The following PTPRR variants were observed in gnomAD, a reference collection of about 807,000 sequenced individuals.
PTPRR encodes receptor-type tyrosine-protein phosphatase R.
In PTPRR, 38 loss-of-function variants were observed where a neutral mutation model predicts 77.2. That is an observed-to-expected ratio of 0.49 (90% confidence interval 0.38 to 0.65). PTPRR has a LOEUF of 0.65. Ranked by LOEUF, PTPRR falls within the 30% of genes least tolerant of loss-of-function variation. The pLI is 0.00. For synonymous variants in PTPRR, 299 were observed against 283.1 expected (o/e 1.06, Z -0.57); for missense variants, 744 against 799.2 (o/e 0.93, Z 0.83).
intron 6 of PTPRR, among the ~76,000 whole-genome samples, chr12:70,702,537 A>G (rs1474887326): frequency 6.6e-6 from 1 of 152,206 alleles, no homozygotes; most frequent in Non-Finnish European, 1.5e-5. Flanking sequence ...AAGAAATATT[A>G]CAGTGGCTTG....
intron 6 of PTPRR, among the ~76,000 whole-genome samples, chr12:70,725,627 G>A (rs1243288232): frequency 2.6e-5 from 4 of 152,080 alleles, no homozygotes; most frequent in African/African-American, 9.7e-5. Context: ...GCCAACTTAG[G>A]TGAGTTGTTG....
intron 2 of PTPRR, among the ~76,000 whole-genome samples, chr12:70,783,061 T>C (rs536104856): frequency 1.5e-4 from 23 of 152,136 alleles, no homozygotes; most frequent in South Asian, 2.1e-4. Flanking sequence ...TAAGGGATCA[T>C]TGGGGTCCGA....
intron 2 of PTPRR, among the ~76,000 whole-genome samples, chr12:70,860,910 C>A (rs547080942): frequency 2.6e-5 from 4 of 152,246 alleles, no homozygotes; most frequent in African/African-American, 9.6e-5. Context: ...ACTCTCTATT[C>A]CCTTGCTTGT....
rs374810539 is a variant in PTPRR, at chr12:70,893,643, T to C, written c.59-666A>G. Among the ~76,000 whole-genome samples, 7 of 152,058 alleles carry C rather than the reference T, an allele frequency of 4.6e-5. No individual in the cohort carries two copies. The East Asian group carries it at 1.2e-3, about 25-fold the overall frequency. On this transcript the variant is annotated intron_variant, in intron 1 of 13. Coordinates refer to ENST00000283228, the MANE Select transcript of PTPRR (RefSeq NM_002849.4). ...AGCTATTGGAATGTGAGTAAACAGA[T>C]GTTAGCAGAGATGTGATATGGCCTT...
chr12:70,872,221 T>C (rs1390865044), intron 2 of PTPRR, among the ~76,000 whole-genome samples: 1 of 152,192 alleles, frequency 6.6e-6, no homozygotes, highest in Non-Finnish European at 1.5e-5. Context: ...GTAAAATTAC[T>C]TGTATTTCTA....
chr12:70,726,972 G>A (rs996912793), intron 6 of PTPRR, among the ~76,000 whole-genome samples: 1 of 151,942 alleles, frequency 6.6e-6, no homozygotes, highest in African/African-American at 2.4e-5. Flanking sequence ...GGATGGCTAG[G>A]GGAGAGAAGG....
At chr12:70,735,043 A>C (rs755438404) in intron 6 of PTPRR, among the ~76,000 whole-genome samples, 1 of 151,924 alleles carries the variant, frequency 6.6e-6, no homozygotes, top group Non-Finnish European at 1.5e-5. Flanking sequence ...AGAATAAAAA[A>C]CCCTATGAAA....
intron 2 of PTPRR, among the ~76,000 whole-genome samples, chr12:70,823,269 A>G (rs908659964): frequency 6.6e-6 from 1 of 152,176 alleles, no homozygotes; most frequent in African/African-American, 2.4e-5. Flanking sequence ...AGATTGATCA[A>G]AGAAAGGATG....
chr12:70,796,652 A>C (rs1468163509), intron 2 of PTPRR, among the ~76,000 whole-genome samples: 2 of 152,188 alleles, frequency 1.3e-5, no homozygotes, highest in African/African-American at 4.8e-5. Context: ...ATAGACATAA[A>C]GTAAACCATG....
chr12:70,876,611 A>C (rs1893056077), intron 2 of PTPRR, among the ~76,000 whole-genome samples: 1 of 152,208 alleles, frequency 6.6e-6, no homozygotes, highest in Non-Finnish European at 1.5e-5. Context: ...TAAATTAAAA[A>C]GATTTACATC....
rs545064128 is a variant in PTPRR, at chr12:70,803,913, G to T, written c.358-39135C>A. Among the ~76,000 whole-genome samples the T allele has an allele frequency of 3.9e-5, 6 of 152,256 alleles. No individual in the cohort carries two copies. The South Asian group carries it at 1.0e-3, about 26-fold the overall frequency. ...GGGTGTGTGTAACATGCATGTGCAGGTGTGTGTGTATTTATGTATTCAGGT... is the reference window on the plus strand; with the variant it reads ...GGGTGTGTGTAACATGCATGTGCAGTTGTGTGTGTATTTATGTATTCAGGT... On this transcript the variant is annotated intron_variant, in intron 2 of 13. Coordinates refer to ENST00000283228, the MANE Select transcript of PTPRR (RefSeq NM_002849.4).
chr12:70,742,209 C>T (rs1890070081), intron 6 of PTPRR, among the ~76,000 whole-genome samples: 1 of 152,086 alleles, frequency 6.6e-6, no homozygotes, highest in African/African-American at 2.4e-5. Flanking sequence ...GTAGAGGAAA[C>T]CCTAGGAAAC....
At chr12:70,915,010 A>G (rs911316245) in intron 1 of PTPRR, among the ~76,000 whole-genome samples, 13 of 152,136 alleles carry the variant, frequency 8.5e-5, no homozygotes, top group Non-Finnish European at 1.9e-4. Context: ...GTATACAGAG[A>G]AAAATAACAA....
chr12:70,749,361 G>A (rs765552689), intron 5 of PTPRR, among the ~76,000 whole-genome samples: 27 of 152,088 alleles, frequency 1.8e-4, no homozygotes, highest in Non-Finnish European at 3.4e-4. Context: ...TTTCTCATAA[G>A]TAAAATTAGG....
At chr12:70,742,787 A>G (rs1996088) in intron 6 of PTPRR, among the ~76,000 whole-genome samples, 5,792 of 152,198 alleles carry the variant, frequency 0.038, 383 homozygotes, top group African/African-American at 0.13. Flanking sequence ...GACGGGGGAA[A>G]CAGTTGGGAG....
At chr12:70,779,831 G>A (rs1891165947) in intron 2 of PTPRR, among the ~76,000 whole-genome samples, 1 of 152,124 alleles carries the variant, frequency 6.6e-6, no homozygotes, top group Non-Finnish European at 1.5e-5. Context: ...AGGAAGGTAT[G>A]TTCAATTTAG....
At chr12:70,915,299 G>T (rs996863099) in intron 1 of PTPRR, among the ~76,000 whole-genome samples, 1 of 152,186 alleles carries the variant, frequency 6.6e-6, no homozygotes, top group African/African-American at 2.4e-5. Flanking sequence ...TGATAGAGAA[G>T]TAGGTGAGAA....
intron 2 of PTPRR, among the ~76,000 whole-genome samples, chr12:70,840,640 A>T (rs1015454875): frequency 1.3e-5 from 2 of 152,166 alleles, no homozygotes; most frequent in African/African-American, 4.8e-5. Flanking sequence ...AGAGTGAACA[A>T]CTGGGAATAA....
At position 70,800,149 on chromosome 12, in the gene PTPRR, A is replaced by G. The variant is rs373367990; in HGVS notation, c.358-35371T>C. Among the ~76,000 whole-genome samples, 95 of 152,326 alleles carry G rather than the reference A, an allele frequency of 6.2e-4. 1 individual carries two copies. Among genetic ancestry groups the G allele is most frequent in the African/African-American group, 2.2e-3 (93 of 41,572 alleles). ...TCGCTAAAATAAAATACCAAAAGCT[A>G]GCAAAGAATAGGCATACTAAAACAC... On this transcript the variant is annotated intron_variant, in intron 2 of 13. Transcript: ENST00000283228.
Sources: gnomAD v4.1 joint callset for allele counts (sites outside exome capture counted in the v4.1 genomes callset) on GRCh38, gnomAD v4.1.1 for gene constraint, MANE v1.5 for transcripts, NCBI Gene and HGNC (gene_info 2026-07-23, HGNC 2026-07-21) for gene names.